Variants in DTWD2 observed in about 807,000 individuals in gnomAD.
The protein encoded by DTWD2 is DTW motif tRNA-uridine aminocarboxypropyltransferase 2, also known as tRNA-uridine aminocarboxypropyltransferase 2.
DTWD2 carries 39 observed loss-of-function variants against 31.8 expected under a neutral mutation model. The ratio of observed to expected loss-of-function variants is 1.22; its 90% CI spans 0.95 to 1.60. The LOEUF (loss-of-function observed/expected upper bound fraction) is 1.60. Ranked by LOEUF, DTWD2 falls within the 40% of genes most tolerant of loss-of-function variation. DTWD2 has a pLI of 0.00. For synonymous variants in DTWD2, 180 were observed against 142.8 expected, an observed-to-expected ratio of 1.26 and a Z score of -1.86; for missense variants, 515 against 381.5, an observed-to-expected ratio of 1.35 and a Z score of -2.92.
intron 1 of DTWD2, among the ~76,000 whole-genome samples, chr5:118,964,587 G>A (rs925785927): frequency 9.2e-5 from 14 of 152,228 alleles, no homozygotes; most frequent in Admixed American, 7.8e-4. Flanking sequence ...TTGCAGGCGC[G>A]TGCCGCCACG....
intron 3 of DTWD2, among the ~76,000 whole-genome samples, chr5:118,931,297 A>T (rs1753917140): frequency 6.6e-6 from 1 of 150,536 alleles, no homozygotes; most frequent in Non-Finnish European, 1.5e-5. Flanking sequence ...CGGGAAGCGG[A>T]GGCAGGAGAA....
At chr5:118,867,315 C>G (rs1223287422) in intron 4 of DTWD2, among the ~76,000 whole-genome samples, 1 of 151,650 alleles carries the variant, frequency 6.6e-6, no homozygotes, top group Non-Finnish European at 1.5e-5. Context: ...TCTATGGATC[C>G]AAGATAGAAT....
At chr5:118,911,739 T>C (rs897384497) in intron 4 of DTWD2, among the ~76,000 whole-genome samples, 7 of 152,258 alleles carry the variant, frequency 4.6e-5, no homozygotes, top group African/African-American at 1.2e-4. Flanking sequence ...TGCGGCAAGC[T>C]GGATGAAACT....
chr5:118,848,194 T>C lies in DTWD2; in HGVS notation c.622A>G (p.Ser208Gly). 6.2e-7 allele frequency: 1 copy of C among 1,601,836 alleles called. No individual in the cohort carries two copies. The highest frequency in any genetic ancestry group is 8.5e-7 in the Non-Finnish European group (1 of 1,175,338). Residue 208 changes from serine to glycine, a missense_variant, in exon 5 of 6, where the codon AGT becomes GGT. By Grantham distance (56) the Ser-to-Gly change is moderately conservative. Transcript: ENST00000510708. ...KQVQLKTSIS[S>G]QYVIRMQPTN... ...GGCTGCATCCGAATTACATACTGAC[T>C]AGAAATGCTAGTTTTTAATTGCACC...
intron 1 of DTWD2, among the ~76,000 whole-genome samples, chr5:118,966,288 A>C (rs1754847649): frequency 6.6e-6 from 1 of 152,256 alleles, no homozygotes; most frequent in African/African-American, 2.4e-5. Flanking sequence ...AGTTTAAAAA[A>C]GCATTGAACA....
chr5:118,844,750 G>A (rs1439760307), intron 5 of DTWD2, among the ~76,000 whole-genome samples: 2 of 152,202 alleles, frequency 1.3e-5, no homozygotes, highest in African/African-American at 2.4e-5. Flanking sequence ...AATAAAGAGT[G>A]AGGATGAGAC....
intron 1 of DTWD2, among the ~76,000 whole-genome samples, chr5:118,980,635 G>T (rs1053859245): frequency 3.3e-5 from 5 of 152,120 alleles, no homozygotes; most frequent in Non-Finnish European, 7.4e-5. Context: ...CCTAAGATGG[G>T]CATAATAAAA....
chr5:118,973,656 C>CGGCAGCCTCCTTGCTCGT, intron 1 of DTWD2: 1 of 840,788 alleles, frequency 1.2e-6, no homozygotes, highest in African/African-American at 1.7e-5. Context: ...TCCTTGCTCG[C>CGGCAGCCTCCTTGCTCGT]GGCAGCCTCC....
At chr5:118,903,933 T>A (rs750346803) in intron 4 of DTWD2, among the ~76,000 whole-genome samples, 5 of 152,064 alleles carry the variant, frequency 3.3e-5, no homozygotes, top group Admixed American at 6.5e-5. Context: ...TATATTAGTA[T>A]GAAATTATGT....
intron 1 of DTWD2, among the ~76,000 whole-genome samples, chr5:118,952,261 C>A (rs769633796): frequency 1.3e-5 from 2 of 152,172 alleles, no homozygotes; most frequent in Non-Finnish European, 2.9e-5. Context: ...CGAGTCACGG[C>A]ACCAAATGTT....
intron 2 of DTWD2, among the ~76,000 whole-genome samples, chr5:118,940,387 T>A (rs973867563): frequency 3.3e-5 from 5 of 152,232 alleles, no homozygotes; most frequent in Non-Finnish European, 4.4e-5. Context: ...AAGTAATACA[T>A]GTATATATGT....
chr5:118,964,640 C>T (rs1400383303), intron 1 of DTWD2, among the ~76,000 whole-genome samples: 2 of 152,268 alleles, frequency 1.3e-5, no homozygotes, highest in Non-Finnish European at 2.9e-5. Flanking sequence ...CGGGGTTTCG[C>T]TGTGTTGGCC....
At chr5:118,974,546 A>C in intron 1 of DTWD2, 1 of 490,838 alleles carries the variant, frequency 2.0e-6, no homozygotes, top group Non-Finnish European at 4.1e-6. Context: ...AAGGAGAAAA[A>C]AAACCTTGTA....
chr5:118,857,066 C>T (rs1393107010), intron 4 of DTWD2, among the ~76,000 whole-genome samples: 4 of 151,830 alleles, frequency 2.6e-5, no homozygotes, highest in African/African-American at 4.8e-5. Flanking sequence ...CATGAGCCAC[C>T]GCACCCGGCA....
At chr5:118,884,239 T>A (rs1429995960) in intron 4 of DTWD2, among the ~76,000 whole-genome samples, 1 of 152,222 alleles carries the variant, frequency 6.6e-6, no homozygotes, top group African/African-American at 2.4e-5. Flanking sequence ...TCCTTTTGTA[T>A]GTTTTTCAAA....
chr5:118,874,927 CA>C (rs1752588227), intron 4 of DTWD2, among the ~76,000 whole-genome samples: 1 of 151,510 alleles, frequency 6.6e-6, no homozygotes, highest in African/African-American at 2.4e-5. Context: ...CCTCCAAGAT[CA>C]AAATTAAAGA....
chr5:118,919,043 T>G (rs1753643685), intron 4 of DTWD2, among the ~76,000 whole-genome samples: 1 of 152,238 alleles, frequency 6.6e-6, no homozygotes, highest in Non-Finnish European at 1.5e-5. Flanking sequence ...GATGCCTAGC[T>G]GCAAGAGAGA....
At chr5:118,946,027 A>G (rs1029533642) in intron 1 of DTWD2, among the ~76,000 whole-genome samples, 8 of 152,236 alleles carry the variant, frequency 5.3e-5, no homozygotes, top group African/African-American at 1.9e-4. Flanking sequence ...TTAATAAACC[A>G]TACAGTGTGG....
chr5:118,899,554 C>A (rs949510322), intron 4 of DTWD2, among the ~76,000 whole-genome samples: 1 of 151,998 alleles, frequency 6.6e-6, no homozygotes, highest in African/African-American at 2.4e-5. Context: ...ATATATATAC[C>A]AAAGTGCCCA....
Sources: gnomAD v4.1 joint callset for allele counts (sites outside exome capture counted in the v4.1 genomes callset) on GRCh38, gnomAD v4.1.1 for gene constraint, MANE v1.5 for transcripts, NCBI Gene and HGNC (gene_info 2026-07-23, HGNC 2026-07-21) for gene names.